Variants in RSRP1 observed in about 807,000 individuals in gnomAD.
RSRP1 encodes the protein arginine/serine-rich protein 1.
RSRP1 carries 37 observed loss-of-function variants against 33.0 expected under a neutral mutation model. That is an observed-to-expected ratio of 1.12 (90% CI 0.86 to 1.48). The LOEUF (loss-of-function observed/expected upper bound fraction) is 1.48, where lower values mean the gene tolerates loss of function less well. Ranked by LOEUF, RSRP1 falls within the 40% of genes most tolerant of loss-of-function variation. The pLI, the probability that RSRP1 is intolerant of heterozygous loss-of-function variation, is 0.00. For synonymous variants in RSRP1, 167 were observed against 158.7 expected, an observed-to-expected ratio of 1.05 and a Z score of -0.40; for missense variants, 402 against 385.3, an observed-to-expected ratio of 1.04 and a Z score of -0.36.
Position 25,297,829 on chromosome 1 carries a change from G to A in RSRP1, c.-67+40149C>T, listed in dbSNP as rs1434326316. ...CCATAAAGGTGTATCTGTGTAGTAT[G>A]GACAGTTTTAAAAAACAAACAAACA... On this transcript the variant is annotated intron_variant, in intron 1 of 1. Coordinates refer to the RSRP1 transcript ENST00000561867. 2.3e-5 allele frequency among the ~76,000 whole-genome samples: 3 copies of A among 131,622 alleles called. 1 individual carries two copies. The highest frequency in any genetic ancestry group is 7.9e-5 in the African/African-American group (3 of 38,150). 86.3% of individuals were successfully genotyped at this position (131,622 alleles called of 152,430 possible). A position where few individuals can be genotyped will look rare whatever the true frequency, so the allele number is the denominator to read the frequency against.
At chr1:25,274,576 T>C (rs1481565437) in intron 1 of RSRP1, among the ~76,000 whole-genome samples, 1 of 132,520 alleles carries the variant, frequency 7.5e-6, no homozygotes, top group East Asian at 1.9e-4. Flanking sequence ...CCCAGCCAGG[T>C]CTTGAAGGCT....
At chr1:25,329,097 A>C (rs1212714167) in intron 1 of RSRP1, 1 of 1,267,470 alleles carries the variant, frequency 7.9e-7, no homozygotes, top group Admixed American at 2.0e-5. Flanking sequence ...CTTTGAGGAG[A>C]ATCTCACCAT....
At chr1:25,337,284 G>C (rs1390347999) in intron 1 of RSRP1, 1 of 152,128 alleles carries the variant, frequency 6.6e-6, no homozygotes, top group African/African-American at 2.4e-5. Flanking sequence ...GCCTCCGCTA[G>C]GGAGACCGCA....
chr1:25,249,377 G>A (rs1230555689), upstream of RSRP1, among the ~76,000 whole-genome samples: 1 of 151,980 alleles, frequency 6.6e-6, no homozygotes, highest in Non-Finnish European at 1.5e-5. Context: ...TCGCTTTGGC[G>A]CCCAGGCTGG....
At chr1:25,315,501 C>CTT (rs1189263980) in intron 1 of RSRP1, among the ~76,000 whole-genome samples, 2 of 114,120 alleles carry the variant, frequency 1.8e-5, no homozygotes, top group African/African-American at 3.0e-5. Context: ...TTCTTTCTTT[C>CTT]TTTTTTTTTT....
In RSRP1 at chr1:25,246,491, G is replaced by T. The variant is rs765245846; in HGVS notation, c.473C>A (p.Ser158Tyr). The change falls in exon 2 of 5, where the codon TCC (serine) becomes TAC (tyrosine). Residue 158 changes from serine (S) to tyrosine (Y), a missense_variant. By Grantham distance (144) the Ser-to-Tyr change is moderately radical. Transcript: ENST00000243189. ...PEEHSRWRDR[S>Y]RTRSRSRTPF... ...GGTTCTGCTCCGCGACCTCGTCCTG[G>T]ATCTGTCCCTCCATCTGCTGTGCTC... 4.3e-6 allele frequency: 7 copies of T among 1,614,104 alleles called. No homozygotes were observed. In the South Asian group the frequency reaches 6.6e-5, roughly 15 times the overall value.
intron 1 of RSRP1, chr1:25,301,199 G>A: frequency 9.5e-7 from 1 of 1,048,196 alleles, no homozygotes; most frequent in South Asian, 1.3e-5. Flanking sequence ...TCCCCTGGGT[G>A]TCTGAAGCCC....
chr1:25,271,738 G>C (rs1640528070), intron 1 of RSRP1, among the ~76,000 whole-genome samples: 1 of 131,588 alleles, frequency 7.6e-6, no homozygotes, highest in Non-Finnish European at 1.8e-5. Context: ...TGAGGGATGG[G>C]GATGCTGAGG....
At chr1:25,311,933 T>C (rs1644171652) in intron 1 of RSRP1, among the ~76,000 whole-genome samples, 1 of 130,138 alleles carries the variant, frequency 7.7e-6, no homozygotes, top group African/African-American at 2.7e-5. Flanking sequence ...AGAGAGCCCC[T>C]AGTAGAGCAG....
rs71014353 is a variant in RSRP1 at position 25,330,953 on chromosome 1, C to CTT, written c.-67+7023_-67+7024dup. On this transcript the variant is annotated intron_variant, in intron 1 of 1. Coordinates refer to the RSRP1 transcript ENST00000561867. Reference sequence around the variant, plus strand: ...CTTTTACACTTCTGGTGTCATCTTCCTTTTTTTTTTTTTTTTTTTTTTTTT... The same window carrying CTT: ...CTTTTACACTTCTGGTGTCATCTTCCTTTTTTTTTTTTTTTTTTTTTTTTTTT... Among the ~76,000 whole-genome samples, 19 of 34,736 alleles carry CTT rather than the reference C, an allele frequency of 5.5e-4. 1 individual carries two copies. The highest frequency in any genetic ancestry group is 8.8e-4 in the African/African-American group (9 of 10,254). 22.8% of individuals were successfully genotyped at this position (34,736 alleles called of 152,430 possible). A position where few individuals can be genotyped will look rare whatever the true frequency, so the allele number is the denominator to read the frequency against.
At chr1:25,270,905 T>C (rs1640482270) in intron 1 of RSRP1, among the ~76,000 whole-genome samples, 1 of 131,262 alleles carries the variant, frequency 7.6e-6, no homozygotes, top group African/African-American at 2.6e-5. Context: ...ACCAATGTTT[T>C]AGTGGTTTGC....
At chr1:25,255,828 T>C (rs2124556935) in intron 1 of RSRP1, among the ~76,000 whole-genome samples, 1 of 152,040 alleles carries the variant, frequency 6.6e-6, no homozygotes, top group East Asian at 1.9e-4. Context: ...TTCGCTCCTG[T>C]GGGAATCTAA....
rs1486336375 is a variant in RSRP1 at position 25,272,841 on chromosome 1, G to A, written c.-66-25812C>T. On this transcript the variant is annotated intron_variant, in intron 1 of 1. Coordinates refer to the RSRP1 transcript ENST00000561867. ...CCCATCTTCTTCCGTAGATTGCACC[G>A]AAATTCAGCCAACAATGTAAGCTTT... The A allele has an allele frequency of 1.9e-4, 204 of 1,064,886 alleles. 26 individuals carry two copies. The African/African-American group carries it at 2.5e-3, about 13-fold the overall frequency. The allele number at this position is 1,064,886 out of a possible 1,614,324, so 66.0% of individuals were successfully genotyped here.
At chr1:25,261,861 G>A (rs1363009946) in intron 1 of RSRP1, among the ~76,000 whole-genome samples, 5 of 151,184 alleles carry the variant, frequency 3.3e-5, no homozygotes, top group Admixed American at 6.6e-5. Context: ...ACAGGCACAC[G>A]CCACCACACC....
At position 25,283,206 on chromosome 1, in the gene RSRP1, G is replaced by A. The variant is rs927672607; in HGVS notation, c.-66-36177C>T. ...AGGGCAGATGGTGTGGTAGTCTAAG[G>A]CACAGGCTCCAGCAGATTATCTAGG... On this transcript the variant is annotated intron_variant, in intron 1 of 1. Coordinates refer to the RSRP1 transcript ENST00000561867. Among the ~76,000 whole-genome samples, 8 of 132,058 alleles carry A rather than the reference G, an allele frequency of 6.1e-5. 2 individuals are homozygous for A. Among genetic ancestry groups the A allele is most frequent in the Admixed American group, 3.0e-4 (4 of 13,554 alleles). 86.6% of individuals were successfully genotyped at this position (132,058 alleles called of 152,430 possible).
intron 1 of RSRP1, among the ~76,000 whole-genome samples, chr1:25,275,794 G>C (rs1401544956): frequency 7.6e-6 from 1 of 132,360 alleles, no homozygotes; most frequent in East Asian, 2.0e-4. Flanking sequence ...TTGATAATTT[G>C]AAATTGTCTT....
chr1:25,282,893 G>T (rs1343131872), intron 1 of RSRP1, among the ~76,000 whole-genome samples: 2 of 120,032 alleles, frequency 1.7e-5, no homozygotes, highest in Admixed American at 1.6e-4. Flanking sequence ...ACTCTGTCTC[G>T]AAAAAAAAAA....
At position 25,274,954 on chromosome 1, in the gene RSRP1, C is replaced by A. The variant is rs1161156105; in HGVS notation, c.-66-27925G>T. 5.3e-5 allele frequency among the ~76,000 whole-genome samples: 7 copies of A among 131,190 alleles called. 2 individuals carry two copies. In the South Asian group the frequency reaches 9.3e-4, roughly 17 times the overall value. 86.1% of individuals were successfully genotyped at this position (131,190 alleles called of 152,430 possible). A position where few individuals can be genotyped will look rare whatever the true frequency, so the allele number is the denominator to read the frequency against. ...CAGAGTGAGACTTCATCTCAAAAAA[C>A]CAAACAACAAAAACAACAACAAGAA... On this transcript the variant is annotated intron_variant, in intron 1 of 1. Coordinates refer to the RSRP1 transcript ENST00000561867.
At chr1:25,314,483 G>A (rs371834528) in intron 1 of RSRP1, among the ~76,000 whole-genome samples, 2 of 131,788 alleles carry the variant, frequency 1.5e-5, no homozygotes, top group South Asian at 2.3e-4. Context: ...CACTTTGTGC[G>A]TTACCTTTTT....
Sources: allele counts gnomAD v4.1 joint callset (sites outside exome capture counted in the v4.1 genomes callset), GRCh38; gene constraint gnomAD v4.1.1; transcripts MANE v1.5; gene names NCBI Gene and HGNC (gene_info 2026-07-23, HGNC 2026-07-21).